Variants in KHDRBS2 observed in about 807,000 individuals in gnomAD.
KHDRBS2 encodes the protein KH RNA binding domain containing, signal transduction associated 2.
In KHDRBS2, 26 loss-of-function variants were observed where a neutral mutation model predicts 44.3. That is an observed-to-expected ratio of 0.59 (90% confidence interval 0.43 to 0.81). The LOEUF (loss-of-function observed/expected upper bound fraction) is 0.81, where lower values mean the gene tolerates loss of function less well. Among genes scored for constraint, KHDRBS2 ranks in the 40% least tolerant of loss-of-function variants. The pLI is 0.00. For synonymous variants in KHDRBS2, 194 were observed against 151.1 expected, an observed-to-expected ratio of 1.28 and a Z score of -2.08; for missense variants, 476 against 433.1, an observed-to-expected ratio of 1.10 and a Z score of -0.88.
At chr6:62,279,561 A>C (rs1841505107) in intron 1 of KHDRBS2, among the ~76,000 whole-genome samples, 1 of 152,226 alleles carries the variant, frequency 6.6e-6, no homozygotes, top group Admixed American at 6.5e-5. Flanking sequence ...AACCAAGATC[A>C]AAAAGAATTG....
rs1774711440 is a variant in KHDRBS2, at chr6:61,732,841, A to T, written c.811-77T>A. The T allele has an allele frequency of 3.8e-6, 3 of 790,742 alleles. No homozygotes were observed. In the Admixed American group the frequency reaches 5.5e-5, roughly 14 times the overall value. The allele number at this position is 790,742 out of a possible 1,614,324, so 49.0% of individuals were successfully genotyped here. A position where few individuals can be genotyped will look rare whatever the true frequency, so the allele number is the denominator to read the frequency against. On this transcript the variant is annotated intron_variant, in intron 6 of 8. Transcript: ENST00000281156. ...ATCTGTTTTCAGTTAGCACAATTTTATACAATGTGATCTTGGTTTAGATTT... is the reference window on the plus strand; with the variant it reads ...ATCTGTTTTCAGTTAGCACAATTTTTTACAATGTGATCTTGGTTTAGATTT...
intron 3 of KHDRBS2, among the ~76,000 whole-genome samples, chr6:62,019,827 T>TC (rs887992323): frequency 6.6e-6 from 1 of 152,020 alleles, no homozygotes; most frequent in African/African-American, 2.4e-5. Flanking sequence ...CTCTTTTTTT[T>TC]CTTGATTAAT....
chr6:61,917,082 A>G (rs1807163589), intron 4 of KHDRBS2, among the ~76,000 whole-genome samples: 1 of 150,996 alleles, frequency 6.6e-6, no homozygotes, highest in Admixed American at 6.6e-5. Context: ...TGATCCAGCA[A>G]TTGTGCTCGT....
At chr6:61,908,314 T>G (rs572043341) in intron 4 of KHDRBS2, among the ~76,000 whole-genome samples, 12 of 152,072 alleles carry the variant, frequency 7.9e-5, no homozygotes, top group African/African-American at 2.9e-4. Flanking sequence ...TAATTTTTAG[T>G]GGAAAATTTA....
At chr6:62,175,033 A>C (rs1372436507) in intron 2 of KHDRBS2, among the ~76,000 whole-genome samples, 3 of 151,672 alleles carry the variant, frequency 2.0e-5, no homozygotes, top group Non-Finnish European at 4.4e-5. Context: ...AACTTTTGTA[A>C]TAAAATATGG....
the KHDRBS2 span, among the ~76,000 whole-genome samples, chr6:61,545,320 C>T: frequency 2.0e-5 from 3 of 151,872 alleles, no homozygotes; most frequent in African/African-American, 7.3e-5. Context: ...AGGCACTAGG[C>T]CATCATCCCC....
chr6:62,001,175 G>T (rs1778169392), intron 3 of KHDRBS2, among the ~76,000 whole-genome samples: 1 of 152,280 alleles, frequency 6.6e-6, no homozygotes, highest in African/African-American at 2.4e-5. Flanking sequence ...CAATTTAAGA[G>T]CAAAGTCCTT....
the KHDRBS2 span, among the ~76,000 whole-genome samples, chr6:61,553,676 G>A: frequency 2.0e-5 from 3 of 151,822 alleles, no homozygotes; most frequent in Non-Finnish European, 4.4e-5. Flanking sequence ...CCTTAGCTGT[G>A]TCCCAGATTC....
intron 3 of KHDRBS2, among the ~76,000 whole-genome samples, chr6:62,027,071 T>G (rs1783490996): frequency 1.3e-5 from 2 of 152,052 alleles, no homozygotes; most frequent in African/African-American, 4.8e-5. Context: ...TTTGCTTTAT[T>G]TTAGATTCAT....
At chr6:61,776,507 C>A (rs1368716005) in intron 6 of KHDRBS2, among the ~76,000 whole-genome samples, 1 of 152,188 alleles carries the variant, frequency 6.6e-6, no homozygotes, top group Non-Finnish European at 1.5e-5. Context: ...CAAAAGAAGA[C>A]ATTTATGCAG....
chr6:61,828,433 G>A (rs372756335), intron 6 of KHDRBS2, among the ~76,000 whole-genome samples: 4 of 152,142 alleles, frequency 2.6e-5, no homozygotes, highest in Admixed American at 2.6e-4. Context: ...TTACAGGTGC[G>A]GGTGAAGGGT....
intron 2 of KHDRBS2, among the ~76,000 whole-genome samples, chr6:62,106,080 G>C (rs1402069432): frequency 1.3e-5 from 2 of 152,144 alleles, no homozygotes; most frequent in East Asian, 1.9e-4. Context: ...CCATGCAGTT[G>C]AGCAGTTTTG....
intron 1 of KHDRBS2, among the ~76,000 whole-genome samples, chr6:62,202,600 T>C (rs886360164): frequency 1.3e-5 from 2 of 152,048 alleles, no homozygotes; most frequent in South Asian, 4.1e-4. Context: ...TACTGTTATG[T>C]GGTATTCATC....
chr6:61,808,980 ATATC>A (rs1270149361), intron 6 of KHDRBS2, among the ~76,000 whole-genome samples: 2 of 152,092 alleles, frequency 1.3e-5, no homozygotes, highest in Non-Finnish European at 2.9e-5. Context: ...GTTAAACGCA[ATATC>A]TATTTCTTTA....
chr6:61,748,754 T>C (rs1324358738), intron 6 of KHDRBS2, among the ~76,000 whole-genome samples: 1 of 152,062 alleles, frequency 6.6e-6, no homozygotes, highest in Admixed American at 6.5e-5. Context: ...GCATTGTGTT[T>C]GTTTATAATG....
downstream of KHDRBS2, among the ~76,000 whole-genome samples, chr6:61,678,360 T>G (rs575806994): frequency 1.3e-5 from 2 of 152,108 alleles, no homozygotes; most frequent in South Asian, 4.1e-4. Flanking sequence ...AACTATCTGC[T>G]AAATAAAATG....
chr6:62,205,289 C>T (rs1827754428), intron 1 of KHDRBS2, among the ~76,000 whole-genome samples: 1 of 152,102 alleles, frequency 6.6e-6, no homozygotes, highest in African/African-American at 2.4e-5. Flanking sequence ...AAAAATGTGG[C>T]AGGCTAACTT....
chr6:61,642,443 C>T, the KHDRBS2 span, among the ~76,000 whole-genome samples: 3 of 151,216 alleles, frequency 2.0e-5, no homozygotes, highest in Admixed American at 2.0e-4. Flanking sequence ...ATTGCTTGAG[C>T]CCAGGAGTTC....
At chr6:62,077,883 A>T in intron 2 of KHDRBS2, among the ~76,000 whole-genome samples, 1 of 152,172 alleles carries the variant, frequency 6.6e-6, no homozygotes, top group African/African-American at 2.4e-5. Flanking sequence ...AATACATCAG[A>T]AATGTACAGT....
Sources: allele counts gnomAD v4.1 joint callset (sites outside exome capture counted in the v4.1 genomes callset), GRCh38; gene constraint gnomAD v4.1.1; transcripts MANE v1.5; gene names NCBI Gene and HGNC (gene_info 2026-07-23, HGNC 2026-07-21).